Variants in GAK observed in about 807,000 individuals in gnomAD.
The protein encoded by GAK is cyclin-G-associated kinase.
GAK carries 79 observed loss-of-function variants against 143.9 expected under a neutral mutation model. The observed-to-expected ratio is 0.55, with a 90% CI of 0.46 to 0.66. The LOEUF (loss-of-function observed/expected upper bound fraction) is 0.66, where lower values mean the gene tolerates loss of function less well. Among genes scored for constraint, GAK ranks in the 30% least tolerant of loss-of-function variants. The probability of loss-of-function intolerance (pLI) is 0.00; values close to 1 mark genes in which losing one functional copy is unlikely to be tolerated. For synonymous variants in GAK, 881 were observed against 765.5 expected, an observed-to-expected ratio of 1.15 and a Z score of -2.49; for missense variants, 1,693 against 1,779.7, an observed-to-expected ratio of 0.95 and a Z score of 0.88.
chr4:912,218 G>A (rs551948877), intron 3 of GAK: 28 of 450,916 alleles, frequency 6.2e-5, no homozygotes, highest in Non-Finnish European at 1.1e-4. Context: ...AGCCAGGGCC[G>A]AAGACTCCAG....
chr4:882,667 A>T, intron 14 of GAK, 30 bp downstream of exon 14: 1 of 1,605,552 alleles, frequency 6.2e-7, no homozygotes, highest in Non-Finnish European at 8.5e-7. Context: ...TTGACAGAAG[A>T]CGGCGCCAGC....
chr4:883,374 G>A lies in GAK; in HGVS notation c.1345C>T (p.His449Tyr). ...GGGGACAGGTTGTAGACGGCATAGT[G>A]CCCTGGGTGCTTGGAGTCCAGGAAC... ...RLFLDSKHPG[H>Y]YAVYNLSPRT... Residue 449 changes from histidine (H) to tyrosine (Y), a missense_variant, in exon 13 of 28, where the codon CAC becomes TAC. Physicochemically the swap from His to Tyr is moderately conservative, Grantham distance 83. Transcript: ENST00000314167. 6.2e-7 allele frequency: 1 copy of A among 1,613,744 alleles called. No homozygotes were observed. Among genetic ancestry groups the A allele is most frequent in the Non-Finnish European group, 8.5e-7 (1 of 1,180,002 alleles).
intron 1 of GAK, among the ~76,000 whole-genome samples, chr4:921,594 C>A (rs1413870959): frequency 6.6e-6 from 1 of 152,026 alleles, no homozygotes; most frequent in African/African-American, 2.4e-5. Flanking sequence ...AGCTAAGAAT[C>A]CTTAGCTGTG....
intron 3 of GAK, chr4:912,245 T>G (rs1208786094): frequency 6.8e-6 from 3 of 440,862 alleles, no homozygotes; most frequent in Non-Finnish European, 1.4e-5. Flanking sequence ...GAGGGACATG[T>G]GGCAGTGGAC....
intron 11 of GAK, among the ~76,000 whole-genome samples, chr4:884,767 C>G (rs1276562659): frequency 6.6e-6 from 1 of 152,232 alleles, no homozygotes; most frequent in African/African-American, 2.4e-5. Context: ...AGGGAAGGAG[C>G]AGAAGGGAGC....
At chr4:873,454 C>T (rs4690336) in intron 18 of GAK, among the ~76,000 whole-genome samples, 20,849 of 151,672 alleles carry the variant, frequency 0.14, 1,835 homozygotes, top group Middle Eastern at 0.3. Flanking sequence ...TCCAAGTATT[C>T]GCTGAAGTTT....
At chr4:918,574 G>A (rs1331998254) in intron 1 of GAK, among the ~76,000 whole-genome samples, 2 of 152,256 alleles carry the variant, frequency 1.3e-5, no homozygotes, top group Non-Finnish European at 2.9e-5. Flanking sequence ...CAGTACATGT[G>A]TTAACTAGCT....
chr4:913,879 C>G, intron 1 of GAK: 1 of 417,744 alleles, frequency 2.4e-6, no homozygotes, highest in East Asian at 4.6e-5. Flanking sequence ...GCACGGCCCC[C>G]CCACACACAC....
In GAK at chr4:904,743, C is replaced by G; in HGVS notation, c.419G>C (p.Arg140Pro). Residue 140 changes from arginine to proline, a missense_variant, in exon 5 of 28, where the codon CGA (arginine) becomes CCA (proline). By Grantham distance (103) the Arg-to-Pro change is moderately radical. Coordinates refer to ENST00000314167, the MANE Select transcript of GAK (RefSeq NM_005255.4). ...AACCGTGTCGCACGAAAGGGGGCCTCGAGATTCCATTTTCTTCAAAAATTC... is the reference window on the plus strand; with the variant it reads ...AACCGTGTCGCACGAAAGGGGGCCTGGAGATTCCATTTTCTTCAAAAATTC... ...LVEFLKKMES[R>P]GPLSCDTVLK... 6.2e-7 allele frequency: 1 copy of G among 1,614,140 alleles called. No homozygotes were observed. Among genetic ancestry groups the G allele is most frequent in the Non-Finnish European group, 8.5e-7 (1 of 1,179,996 alleles).
At chr4:876,098 C>A (rs1039437588) in intron 18 of GAK, among the ~76,000 whole-genome samples, 1 of 152,212 alleles carries the variant, frequency 6.6e-6, no homozygotes, top group Non-Finnish European at 1.5e-5. Context: ...CTGGGCATGG[C>A]AGGGGTGGGG....
chr4:874,084 T>C (rs1475490976), intron 18 of GAK, among the ~76,000 whole-genome samples: 1 of 152,194 alleles, frequency 6.6e-6, no homozygotes, highest in Non-Finnish European at 1.5e-5. Flanking sequence ...GTGATGGAGC[T>C]CCTGAAACAC....
At chr4:902,539 G>A (rs1282678600) in intron 5 of GAK, among the ~76,000 whole-genome samples, 9 of 138,554 alleles carry the variant, frequency 6.5e-5, no homozygotes, top group Non-Finnish European at 1.2e-4. Flanking sequence ...CGGCCGAGGC[G>A]GCAGTGAGCC....
chr4:907,168 C>G (rs1466311052), intron 4 of GAK, among the ~76,000 whole-genome samples: 2 of 152,200 alleles, frequency 1.3e-5, no homozygotes, highest in Admixed American at 1.3e-4. Flanking sequence ...TCAGGCTGGG[C>G]CACGCTAGAA....
chr4:917,176 T>C (rs1430057547), intron 1 of GAK, among the ~76,000 whole-genome samples: 1 of 151,268 alleles, frequency 6.6e-6, no homozygotes, highest in Non-Finnish European at 1.5e-5. Context: ...ATACAGTCAG[T>C]GTACAGAAAA....
chr4:870,552 C>T (rs867846780), intron 19 of GAK, among the ~76,000 whole-genome samples, 159 bp downstream of exon 19: 3 of 152,308 alleles, frequency 2.0e-5, no homozygotes, highest in South Asian at 4.1e-4. Flanking sequence ...CCAACATCCA[C>T]GACGGAGTTT....
At chr4:876,329 G>C (rs890078784) in intron 18 of GAK, among the ~76,000 whole-genome samples, 4 of 151,790 alleles carry the variant, frequency 2.6e-5, no homozygotes, top group African/African-American at 7.2e-5. Flanking sequence ...CCAACGGGGG[G>C]GCAGAGCAGC....
rs143752888 is a variant in GAK, at chr4:885,259, T to C, written c.1206-1173A>G. ...CCACACAAAGCATGGCTACTGGACCTATAATCTAATCACCGGTAGAAAAAC... is the reference window on the plus strand; with the variant it reads ...CCACACAAAGCATGGCTACTGGACCCATAATCTAATCACCGGTAGAAAAAC... On this transcript the variant is annotated intron_variant, in intron 11 of 27. Coordinates refer to ENST00000314167, the MANE Select transcript of GAK (RefSeq NM_005255.4). Among the ~76,000 whole-genome samples the C allele has an allele frequency of 4.9e-3, 747 of 152,268 alleles. 5 individuals carry two copies. The highest frequency in any genetic ancestry group is 0.017 in the African/African-American group (704 of 41,542).
intron 1 of GAK, among the ~76,000 whole-genome samples, chr4:930,149 A>T (rs1560456570): frequency 6.6e-6 from 1 of 152,208 alleles, no homozygotes; most frequent in Admixed American, 6.5e-5. Context: ...CTATGTTCTA[A>T]GGTTGCTGTT....
At chr4:924,563 C>T (rs1379486877) in intron 1 of GAK, among the ~76,000 whole-genome samples, 3 of 151,866 alleles carry the variant, frequency 2.0e-5, no homozygotes, top group South Asian at 2.1e-4. Context: ...TTCATAACAG[C>T]GGACACGGTT....
Sources: gnomAD v4.1 joint callset for allele counts (sites outside exome capture counted in the v4.1 genomes callset) on GRCh38, gnomAD v4.1.1 for gene constraint, MANE v1.5 for transcripts, NCBI Gene and HGNC (gene_info 2026-07-23, HGNC 2026-07-21) for gene names.